SLC5A10: variants seen among roughly 807,000 people sequenced by gnomAD.
SLC5A10 encodes the protein solute carrier family 5 member 10.
Under a neutral mutation model 68.9 loss-of-function variants are expected in SLC5A10, and 55 were observed. The ratio of observed to expected loss-of-function variants is 0.80; its 90% CI spans 0.64 to 1.00. The LOEUF (loss-of-function observed/expected upper bound fraction) is 1.00. Among genes scored for constraint, SLC5A10 ranks in the 50% least tolerant of loss-of-function variants. The pLI is 0.00. For missense variants in SLC5A10, 732 were observed against 819.3 expected, an observed-to-expected ratio of 0.89 and a Z score of 1.30; for synonymous variants, 344 against 344.8, an observed-to-expected ratio of 1.00 and a Z score of 0.02.
rs949933175 is a variant in SLC5A10, at chr17:19,017,378, G to A, written c.1242-2045G>A. On this transcript the variant is annotated intron_variant, in intron 11 of 14. Coordinates refer to ENST00000395645, the MANE Select transcript of SLC5A10 (RefSeq NM_001042450.4). The surrounding 1 kb of genome is among the most constrained non-coding windows in gnomAD (Gnocchi z 5.6). ...ATTGGAGCGGTATCTCCTAGGCCTC[G>A]TGGTCATGGATCTCTGGTAGGGTGA... is the stretch of plus-strand genomic sequence containing the variant. 9.7e-6 allele frequency: 15 copies of A among 1,551,652 alleles called. No homozygotes were observed. Among genetic ancestry groups the A allele is most frequent in the African/African-American group, 1.4e-5 (1 of 73,016 alleles).
At chr17:18,966,674 C>T (rs1056704897) in intron 5 of SLC5A10, among the ~76,000 whole-genome samples, 7 of 139,872 alleles carry the variant, frequency 5.0e-5, no homozygotes, top group Admixed American at 1.6e-4. Flanking sequence ...CACTTGAACC[C>T]GGGAGGTGGA....
intron 9 of SLC5A10, among the ~76,000 whole-genome samples, chr17:18,992,023 C>T (rs1057236291): frequency 2.6e-5 from 4 of 152,140 alleles, no homozygotes; most frequent in Non-Finnish European, 5.9e-5. Context: ...GATGTGGGCA[C>T]TCCTCCAGTG....
intron 8 of SLC5A10, 70 bp from the exon 9 acceptor site, chr17:18,976,784 C>T (rs2042990229): frequency 6.3e-7 from 1 of 1,581,186 alleles, no homozygotes. Context: ...CCCTGAGGCC[C>T]ACCAAGGACC....
At chr17:18,960,682 A>G in intron 5 of SLC5A10, 30 bp downstream of exon 5, 1 of 1,602,650 alleles carries the variant, frequency 6.2e-7, no homozygotes, top group Non-Finnish European at 8.5e-7. Context: ...CTGCTGGCAT[A>G]GCCTGGAAAC....
chr17:18,958,577 T>A lies in SLC5A10; in HGVS notation c.112-105T>A. 6.8e-6 allele frequency: 6 copies of A among 881,688 alleles called. No homozygotes were observed. In the South Asian group the frequency reaches 9.0e-5, roughly 13 times the overall value. 54.6% of individuals were successfully genotyped at this position (881,688 alleles called of 1,614,324 possible). A position where few individuals can be genotyped will look rare whatever the true frequency, so the allele number is the denominator to read the frequency against. On this transcript the variant is annotated intron_variant, in intron 1 of 14. Transcript: ENST00000395645. ...GGAGTGGAACTTCTGGGTCATATGG[T>A]GATTCTATGCGTAACCTTTTGAGGA...
At chr17:19,014,993 G>T in intron 10 of SLC5A10, 56 bp from the exon 11 acceptor site, 1 of 1,577,354 alleles carries the variant, frequency 6.3e-7, no homozygotes, top group Non-Finnish European at 8.7e-7. Context: ...GGCGGGAGGG[G>T]TTCCCGGGGC....
Position 19,017,255 on chromosome 17 carries a change from GC to G in SLC5A10, c.1241+2058del. ...GGGCCCCGTGCCAGGTGTCAGGCTG[GC>G]CAGCTCAACTTCCCGTCCCTCTTAC... On this transcript the variant is annotated intron_variant, in intron 11 of 14. Coordinates refer to ENST00000395645, the MANE Select transcript of SLC5A10 (RefSeq NM_001042450.4). The surrounding 1 kb of genome is among the most constrained non-coding windows in gnomAD (Gnocchi z 5.6). The G allele has an allele frequency of 6.5e-7, 1 of 1,545,578 alleles. No individual in the cohort carries two copies. Among genetic ancestry groups the G allele is most frequent in the Non-Finnish European group, 8.8e-7 (1 of 1,141,370 alleles).
intron 9 of SLC5A10, among the ~76,000 whole-genome samples, chr17:18,984,462 G>C (rs1007027030): frequency 1.3e-5 from 2 of 152,190 alleles, no homozygotes; most frequent in Non-Finnish European, 2.9e-5. Context: ...GCAGCGGAAG[G>C]GCTGGGTCGT....
chr17:19,013,880 G>T (rs1318550847), intron 10 of SLC5A10, among the ~76,000 whole-genome samples: 1 of 152,088 alleles, frequency 6.6e-6, no homozygotes, highest in Admixed American at 6.5e-5. Flanking sequence ...TAGGTCTTGA[G>T]TTCCCTCTCT....
At chr17:18,978,739 A>G in intron 9 of SLC5A10, 3 of 1,612,960 alleles carry the variant, frequency 1.9e-6, no homozygotes, top group Non-Finnish European at 2.5e-6. Context: ...TGAGGCTCAC[A>G]CTGTGTGACA....
intron 1 of SLC5A10, among the ~76,000 whole-genome samples, chr17:18,954,956 G>C (rs1204205139): frequency 6.6e-6 from 1 of 151,892 alleles, no homozygotes; most frequent in African/African-American, 2.4e-5. Flanking sequence ...CGTGGTGCCA[G>C]GCGCCTGTAA....
At position 18,960,583 on chromosome 17, in the gene SLC5A10, C is replaced by T. The variant is rs2042593559; in HGVS notation, c.384C>T (p.Tyr128=). Residue 128 remains tyrosine, a synonymous_variant, in exon 5 of 15, where the codon TAC becomes TAT. Coordinates refer to ENST00000395645, the MANE Select transcript of SLC5A10 (RefSeq NM_001042450.4). The part of the protein sequence containing the change: ...VTLPEYIQKR[Y]GGQRIRMYLS... ...TACCTGAGTACATTCAGAAGCGCTACGGGGGCCAGCGGATCCGCATGTACC... is the reference window on the plus strand; with the variant it reads ...TACCTGAGTACATTCAGAAGCGCTATGGGGGCCAGCGGATCCGCATGTACC... 1.9e-6 allele frequency: 3 copies of T among 1,614,160 alleles called. No homozygotes were observed. Among genetic ancestry groups the T allele is most frequent in the South Asian group, 1.1e-5 (1 of 91,082 alleles).
At chr17:18,969,923 G>C (rs2042799519) in intron 7 of SLC5A10, 1 of 153,870 alleles carries the variant, frequency 6.5e-6, no homozygotes, top group Non-Finnish European at 1.4e-5. Flanking sequence ...AAACTCACAG[G>C]GCTGCCCGGA....
intron 9 of SLC5A10, among the ~76,000 whole-genome samples, chr17:18,980,707 G>A (rs1225902958): frequency 6.6e-6 from 1 of 152,126 alleles, no homozygotes; most frequent in South Asian, 2.1e-4. Context: ...CCCAAGTGTC[G>A]AGGATGGCCA....
Position 19,007,679 on chromosome 17 carries a change from G to A in SLC5A10, c.983-5731G>A, listed in dbSNP as rs148282056. Among the ~76,000 whole-genome samples the A allele has an allele frequency of 7.7e-4, 117 of 152,330 alleles. 2 individuals carry two copies. In the East Asian group the frequency reaches 0.013, roughly 18 times the overall value. ...TAGCTACAGGACCTTTGTTGGGTGT[G>A]TGCTCTGCAAATATTTTCTCCCAGT... is the stretch of plus-strand genomic sequence containing the variant. On this transcript the variant is annotated intron_variant, in intron 9 of 14. Transcript: ENST00000395645.
In SLC5A10 at chr17:19,013,513, CATCG is replaced by C. The variant is rs1238852784; in HGVS notation, c.1087_1090del (p.Ile363ValfsTer5). ...CCAAGCTGGTCATGGAACTGATGCC[CATCG>C]GTGAGGCTGTGTGGGTGGGGGTCTG... On this transcript the variant is annotated frameshift_variant and splice_region_variant, in exon 10 of 15. Coordinates refer to ENST00000395645, the MANE Select transcript of SLC5A10 (RefSeq NM_001042450.4). LOFTEE classifies it high-confidence loss of function. 31 of 1,483,996 alleles carry C rather than the reference CATCG, an allele frequency of 2.1e-5. No individual in the cohort carries two copies. Among genetic ancestry groups the C allele is most frequent in the Non-Finnish European group, 2.5e-5 (28 of 1,116,366 alleles). 91.9% of individuals were successfully genotyped at this position (1,483,996 alleles called of 1,614,324 possible). A position where few individuals can be genotyped will look rare whatever the true frequency, so the allele number is the denominator to read the frequency against.
intron 4 of SLC5A10, among the ~76,000 whole-genome samples, 164 bp downstream of exon 4, chr17:18,959,827 TCCC>T (rs1405055392): frequency 7.4e-6 from 1 of 134,470 alleles, no homozygotes; most frequent in African/African-American, 3.7e-5. Flanking sequence ...CTAAGGTGGA[TCCC>T]GACTAATATT....
At chr17:18,999,424 G>A (rs1485589601) in intron 9 of SLC5A10, among the ~76,000 whole-genome samples, 1 of 152,222 alleles carries the variant, frequency 6.6e-6, no homozygotes, top group Admixed American at 6.5e-5. Flanking sequence ...CTCAGGGCCT[G>A]CAGACTGGGG....
At position 19,003,602 on chromosome 17, in the gene SLC5A10, G is replaced by A. The variant is rs1369514824; in HGVS notation, c.983-9808G>A. 2.5e-6 allele frequency: 4 copies of A among 1,611,002 alleles called. No homozygotes were observed. Among genetic ancestry groups the A allele is most frequent in the Non-Finnish European group, 3.4e-6 (4 of 1,178,840 alleles). ...TATGGGGGGCTGCATGTAGACGCTA[G>A]CCCGGGTCACGCCGCGGTAGGCGAT... is the stretch of plus-strand genomic sequence containing the variant. On this transcript the variant is annotated intron_variant, in intron 9 of 14. Coordinates refer to ENST00000395645, the MANE Select transcript of SLC5A10 (RefSeq NM_001042450.4). This position sits in a 1 kb window ranked among gnomAD's most constrained non-coding sequence, Gnocchi z 4.5.
Sources: allele counts gnomAD v4.1 joint callset (sites outside exome capture counted in the v4.1 genomes callset), GRCh38; gene constraint gnomAD v4.1.1; non-coding constraint Gnocchi (gnomAD v3.1); transcripts MANE v1.5; gene names NCBI Gene and HGNC (gene_info 2026-07-23, HGNC 2026-07-21).